TAFA1: variants seen among roughly 807,000 people sequenced by gnomAD.
The protein encoded by TAFA1 is chemokine-like protein TAFA-1.
In TAFA1, 4 loss-of-function variants were observed where a neutral mutation model predicts 18.5. That is an observed-to-expected ratio of 0.22 (90% CI 0.11 to 0.49). TAFA1 has a LOEUF of 0.49. TAFA1 is among the 20% of genes least tolerant of loss of function. TAFA1 has a pLI of 0.98. For synonymous variants in TAFA1, 56 were observed against 55.2 expected (o/e 1.01, Z -0.06); for missense variants, 147 against 169.0 (o/e 0.87, Z 0.72).
intron 2 of TAFA1, among the ~76,000 whole-genome samples, chr3:68,383,941 C>T (rs2070035019): frequency 6.6e-6 from 1 of 151,886 alleles, no homozygotes; most frequent in African/African-American, 2.4e-5. Flanking sequence ...TTCATTTCTT[C>T]TAGATTTTCT....
At chr3:68,360,599 T>A (rs2069451995) in intron 2 of TAFA1, among the ~76,000 whole-genome samples, 1 of 152,068 alleles carries the variant, frequency 6.6e-6, no homozygotes, top group African/African-American at 2.4e-5. Flanking sequence ...CTCAGCAGAC[T>A]GAAAATTTCA....
intron 2 of TAFA1, among the ~76,000 whole-genome samples, chr3:68,305,409 C>CTATATATATATATATATATATATA (rs773025236): frequency 7.9e-5 from 3 of 38,200 alleles, no homozygotes; most frequent in African/African-American, 2.5e-4. Flanking sequence ...GACTATATGA[C>CTATATATATATATATATATATATA]TATATATATA....
intron 3 of TAFA1, among the ~76,000 whole-genome samples, chr3:68,464,429 CA>C (rs775142265): frequency 4.6e-5 from 7 of 152,078 alleles, no homozygotes; most frequent in Non-Finnish European, 8.8e-5. Context: ...TTGGAATGGA[CA>C]AGGAGGATCC....
intron 2 of TAFA1, among the ~76,000 whole-genome samples, chr3:68,252,128 T>G (rs949337113): frequency 2.6e-5 from 4 of 152,180 alleles, no homozygotes; most frequent in African/African-American, 9.6e-5. Flanking sequence ...CTCATCTTCT[T>G]CCTTGATCCT....
At chr3:68,382,589 TG>T (rs1463649765) in intron 2 of TAFA1, among the ~76,000 whole-genome samples, 1 of 152,106 alleles carries the variant, frequency 6.6e-6, no homozygotes, top group Non-Finnish European at 1.5e-5. Flanking sequence ...TCTCTGTTTT[TG>T]TAGTAGTACC....
intron 2 of TAFA1, among the ~76,000 whole-genome samples, chr3:68,077,812 G>A (rs1575604270): frequency 6.6e-6 from 1 of 151,908 alleles, no homozygotes; most frequent in East Asian, 1.9e-4. Context: ...GGTTCCATAT[G>A]AACTTTAAAG....
chr3:68,287,912 G>T (rs753116218), intron 2 of TAFA1, among the ~76,000 whole-genome samples: 1 of 117,340 alleles, frequency 8.5e-6, no homozygotes, highest in Non-Finnish European at 1.7e-5. Context: ...TTTGTTGGGG[G>T]GTGGGGGGGC....
At chr3:68,046,527 A>G (rs1479904301) in intron 2 of TAFA1, among the ~76,000 whole-genome samples, 1 of 152,202 alleles carries the variant, frequency 6.6e-6, no homozygotes, top group East Asian at 1.9e-4. Flanking sequence ...TAAATCAGCA[A>G]AATTGTCCAG....
intron 2 of TAFA1, among the ~76,000 whole-genome samples, chr3:68,061,215 G>A (rs1008375342): frequency 3.3e-5 from 5 of 152,188 alleles, no homozygotes; most frequent in African/African-American, 1.2e-4. Flanking sequence ...GTATATATCA[G>A]CTAGAAGACT....
intron 2 of TAFA1, among the ~76,000 whole-genome samples, chr3:68,134,322 T>C (rs2065580544): frequency 6.6e-6 from 1 of 152,098 alleles, no homozygotes; most frequent in African/African-American, 2.4e-5. Flanking sequence ...ACATTCAAAT[T>C]CTTAATAGGA....
At chr3:68,386,428 T>A (rs1313421908) in intron 2 of TAFA1, among the ~76,000 whole-genome samples, 1 of 152,148 alleles carries the variant, frequency 6.6e-6, no homozygotes, top group Non-Finnish European at 1.5e-5. Flanking sequence ...GTCTCTAGTA[T>A]CCTATGTAGA....
At chr3:68,395,040 A>G (rs2070346191) in intron 2 of TAFA1, among the ~76,000 whole-genome samples, 1 of 152,166 alleles carries the variant, frequency 6.6e-6, no homozygotes. Context: ...AATTTTTGCA[A>G]TATATTCATC....
rs9814022 is a variant in TAFA1, at chr3:68,545,168, G to A, written c.*665G>A. On this transcript the variant is annotated 3_prime_UTR_variant, in exon 5 of 5. Transcript: ENST00000478136. The stretch of plus-strand genomic sequence containing the variant: ...TTAGCATGCAAGCTTGGCTTACATA[G>A]TCATACTTTATATTCAATTGATATA... 0.32 allele frequency: 49,036 copies of A among 152,356 alleles called. 8,018 individuals carry two copies. Among genetic ancestry groups the A allele is most frequent in the African/African-American group, 0.36 (15,040 of 41,436 alleles). 9.4% of individuals were successfully genotyped at this position (152,356 alleles called of 1,614,324 possible).
At chr3:68,153,880 C>G (rs192253413) in intron 2 of TAFA1, among the ~76,000 whole-genome samples, 6 of 152,250 alleles carry the variant, frequency 3.9e-5, no homozygotes, top group African/African-American at 1.4e-4. Context: ...AATAAGAAAG[C>G]TATCCACAAA....
chr3:68,358,565 T>C lies in TAFA1; in HGVS notation c.119-58715T>C, dbSNP rs972253787. On this transcript the variant is annotated intron_variant, in intron 2 of 4. Coordinates refer to ENST00000478136, the MANE Select transcript of TAFA1 (RefSeq NM_213609.4). ...TTTTAAATGGTTACATATTATTTCATTGTTTGCATGCCTCATTATCCCCAC... is the reference window on the plus strand; with the variant it reads ...TTTTAAATGGTTACATATTATTTCACTGTTTGCATGCCTCATTATCCCCAC... 7.9e-5 allele frequency among the ~76,000 whole-genome samples: 12 copies of C among 151,908 alleles called. 1 individual carries two copies. Among genetic ancestry groups the C allele is most frequent in the Admixed American group, 3.9e-4 (6 of 15,208 alleles).
At chr3:68,311,646 G>A (rs1331968224) in intron 2 of TAFA1, among the ~76,000 whole-genome samples, 2 of 152,216 alleles carry the variant, frequency 1.3e-5, no homozygotes, top group African/African-American at 4.8e-5. Flanking sequence ...TGCAAGAGGT[G>A]GGTTCCCATG....
chr3:68,126,875 A>C lies in TAFA1; in HGVS notation c.118+120131A>C, dbSNP rs1209630808. Among the ~76,000 whole-genome samples, 6 of 152,228 alleles carry C rather than the reference A, an allele frequency of 3.9e-5. No homozygotes were observed. The East Asian group carries it at 9.6e-4, about 24-fold the overall frequency. ...GTGGACACATACCCGCTTTCAATACACAAAGGTGATCTGCACGACCTCTTC... is the reference window on the plus strand; with the variant it reads ...GTGGACACATACCCGCTTTCAATACCCAAAGGTGATCTGCACGACCTCTTC... On this transcript the variant is annotated intron_variant, in intron 2 of 4. Transcript: ENST00000478136.
intron 2 of TAFA1, among the ~76,000 whole-genome samples, chr3:68,391,541 CG>C (rs1254338197): frequency 1.3e-5 from 2 of 151,986 alleles, no homozygotes; most frequent in African/African-American, 4.8e-5. Flanking sequence ...GAAGAGCAAC[CG>C]TAAGACACAT....
intron 3 of TAFA1, among the ~76,000 whole-genome samples, chr3:68,492,720 A>G (rs1486814342): frequency 6.6e-6 from 1 of 152,176 alleles, no homozygotes; most frequent in African/African-American, 2.4e-5. Context: ...AAGGTTTTGT[A>G]GTTTTTTTCT....
Sources: gnomAD v4.1 joint callset for allele counts (sites outside exome capture counted in the v4.1 genomes callset) on GRCh38, gnomAD v4.1.1 for gene constraint, MANE v1.5 for transcripts, NCBI Gene and HGNC (gene_info 2026-07-23, HGNC 2026-07-21) for gene names.